VPS29: variants seen among roughly 807,000 people sequenced by gnomAD.
VPS29 encodes the protein vacuolar protein sorting-associated protein 29.
VPS29 carries 2 observed loss-of-function variants against 20.0 expected under a neutral mutation model. The observed-to-expected ratio is 0.10, with a 90% CI of 0.04 to 0.31. The LOEUF is 0.31. VPS29 is among the 10% of genes least tolerant of loss of function. VPS29 has a pLI of 1.00. For synonymous variants in VPS29, 81 were observed against 79.3 expected, an observed-to-expected ratio of 1.02 and a Z score of -0.12; for missense variants, 120 against 215.3, an observed-to-expected ratio of 0.56 and a Z score of 2.77.
intron 2 of VPS29, among the ~76,000 whole-genome samples, chr12:110,495,133 T>C (rs1168861543): frequency 6.6e-6 from 1 of 152,210 alleles, no homozygotes; most frequent in African/African-American, 2.4e-5. Flanking sequence ...TGCACACGGC[T>C]GTGTAAGCAC....
chr12:110,498,806 C>A, intron 1 of VPS29: 1 of 982,552 alleles, frequency 1.0e-6, no homozygotes, highest in Non-Finnish European at 1.2e-6. Context: ...CACTGGTAAT[C>A]AACATAAAAG....
At chr12:110,494,029 T>A (rs2062859661) in intron 2 of VPS29, among the ~76,000 whole-genome samples, 1 of 152,152 alleles carries the variant, frequency 6.6e-6, no homozygotes, top group Non-Finnish European at 1.5e-5. Flanking sequence ...GGTTCTATTA[T>A]GATCCCCACT....
At chr12:110,497,685 G>A (rs1429596851) in intron 1 of VPS29, among the ~76,000 whole-genome samples, 1 of 151,554 alleles carries the variant, frequency 6.6e-6, no homozygotes, top group Non-Finnish European at 1.5e-5. Flanking sequence ...GAGGTCAGGA[G>A]TTCGAGACCA....
rs773974480 is a variant in VPS29, at chr12:110,492,000, T to C, written c.*5A>G. Reference sequence around the variant, plus strand: ...AAACCAAAAATCATCAAGACAGGCCTGGCTTTAAGGTTTTTTGTATTCGAT... The same window carrying C: ...AAACCAAAAATCATCAAGACAGGCCCGGCTTTAAGGTTTTTTGTATTCGAT... On this transcript the variant is annotated 3_prime_UTR_variant, in exon 4 of 4. Transcript: ENST00000549578. 6 of 1,610,132 alleles carry C rather than the reference T, an allele frequency of 3.7e-6. No individual in the cohort carries two copies. In the African/African-American group the frequency reaches 6.7e-5, roughly 18 times the overall value.
Position 110,496,064 on chromosome 12 carries a change from T to C in VPS29, c.143A>G (p.Tyr48Cys), listed in dbSNP as rs11554379. 5 of 1,610,308 alleles carry C rather than the reference T, an allele frequency of 3.1e-6. No individual in the cohort carries two copies. The highest frequency in any genetic ancestry group is 2.2e-5 in the East Asian group (1 of 44,792). The change falls in exon 2 of 4, where the codon TAT (tyrosine) becomes TGT (cysteine). Residue 48 changes from tyrosine to cysteine, a missense_variant. Tyr to Cys is a radical substitution (Grantham distance 194). Coordinates refer to ENST00000549578, the MANE Select transcript of VPS29 (RefSeq NM_016226.5). ...AACATCACCAGCCAGAGTCTTGAGA[T>C]AGTCATAACTCTCTTTGGTGCAAAG... The part of the protein sequence containing the change: ...GNLCTKESYD[Y>C]LKTLAGDVHI...
In VPS29 at chr12:110,493,013, T is replaced by C. The variant is rs761621239; in HGVS notation, c.414A>G (p.Ala138=). Residue 138 remains alanine, a synonymous_variant, in exon 3 of 4, where the codon GCA becomes GCG. Transcript: ENST00000549578. ...FYINPGSATG[A]YNALETNIIP... ...CTACTCACGTTTCCAAGGCATTATA[T>C]GCCCCAGTGGCAGAACCTGGATTAA... is the stretch of plus-strand genomic sequence containing the variant. The C allele has an allele frequency of 6.2e-7, 1 of 1,612,948 alleles. No individual in the cohort carries two copies. The highest frequency in any genetic ancestry group is 8.5e-7 in the Non-Finnish European group (1 of 1,179,556).
chr12:110,492,551 C>G (rs1266136625), intron 3 of VPS29, among the ~76,000 whole-genome samples: 1 of 149,354 alleles, frequency 6.7e-6, no homozygotes, highest in Non-Finnish European at 1.5e-5. Flanking sequence ...GCCTAGGTGA[C>G]AGAGCAAGAC....
chr12:110,498,889 T>C lies in VPS29; in HGVS notation c.4-2686A>G, dbSNP rs147085432. The C allele has an allele frequency of 2.8e-4, 271 of 961,022 alleles. 2 individuals carry two copies. The African/African-American group carries it at 4.6e-3, about 16-fold the overall frequency. 59.5% of individuals were successfully genotyped at this position (961,022 alleles called of 1,614,324 possible). Reference sequence around the variant, plus strand: ...TATGGATTGAAGTACATAGTTAGTATGGGAATCTTGCTTTGAGAAAAAGGT... The same window carrying C: ...TATGGATTGAAGTACATAGTTAGTACGGGAATCTTGCTTTGAGAAAAAGGT... On this transcript the variant is annotated intron_variant, in intron 1 of 3. Coordinates refer to ENST00000549578, the MANE Select transcript of VPS29 (RefSeq NM_016226.5).
intron 1 of VPS29, chr12:110,499,586 GA>G (rs761242555): frequency 3.9e-4 from 530 of 1,347,146 alleles, no homozygotes; most frequent in Admixed American, 6.9e-4. Flanking sequence ...CAGGGGGGAT[GA>G]AAAAAAAAGG....
intron 1 of VPS29, chr12:110,501,829 C>T: frequency 1.6e-6 from 2 of 1,256,848 alleles, no homozygotes; most frequent in Non-Finnish European, 2.2e-6. Context: ...CCTCTGGCCC[C>T]TTGGGGCCGG....
chr12:110,501,469 G>T, intron 1 of VPS29: 1 of 1,535,414 alleles, frequency 6.5e-7, no homozygotes, highest in Non-Finnish European at 8.7e-7. Context: ...AATTGCAAGC[G>T]CCAAATCCCG....
chr12:110,500,628 C>T (rs2062997647), intron 1 of VPS29, among the ~76,000 whole-genome samples: 1 of 152,144 alleles, frequency 6.6e-6, no homozygotes, highest in African/African-American at 2.4e-5. Flanking sequence ...TGCATAGCTT[C>T]TTTGGTTTCC....
chr12:110,497,463 T>C (rs184629901), intron 1 of VPS29, among the ~76,000 whole-genome samples: 31,395 of 151,176 alleles, frequency 0.21, 4,522 homozygotes, highest in African/African-American at 0.42. Flanking sequence ...GTGATCCACC[T>C]GCCTCCGCCT....
In VPS29 at chr12:110,491,770, T is replaced by C. The variant is rs1037151118; in HGVS notation, c.*235A>G. ...ACAAGGATAAATTTTTCTTAACAAG[T>C]GACCAATTACTGTGTTGTGGACATT... On this transcript the variant is annotated 3_prime_UTR_variant, in exon 4 of 4. Coordinates refer to ENST00000549578, the MANE Select transcript of VPS29 (RefSeq NM_016226.5). The C allele has an allele frequency of 2.6e-5, 10 of 387,790 alleles. No homozygotes were observed. The highest frequency in any genetic ancestry group is 4.4e-5 in the Admixed American group (1 of 22,782). The allele number at this position is 387,790 out of a possible 1,614,324, so 24.0% of individuals were successfully genotyped here. A position where few individuals can be genotyped will look rare whatever the true frequency, so the allele number is the denominator to read the frequency against.
chr12:110,500,992 C>T (rs2063016922), intron 1 of VPS29, among the ~76,000 whole-genome samples: 2 of 152,006 alleles, frequency 1.3e-5, no homozygotes, highest in Non-Finnish European at 2.9e-5. Flanking sequence ...CCAGCCTGAC[C>T]AACATGGTGA....
In VPS29 at chr12:110,499,658, C is replaced by CA. The variant is rs1467330272; in HGVS notation, c.3+2390dup. On this transcript the variant is annotated intron_variant, in intron 1 of 3. Transcript: ENST00000549578. ...AAGAAACCAAAAAAAAAAAAGAGAA[C>CA]AAAAAACCCATACCAAATGAGCAAA... 31 of 734,966 alleles carry CA rather than the reference C, an allele frequency of 4.2e-5. No individual in the cohort carries two copies. The Middle Eastern group carries it at 1.2e-3, about 29-fold the overall frequency. 45.5% of individuals were successfully genotyped at this position (734,966 alleles called of 1,614,324 possible).
chr12:110,501,525 T>C, intron 1 of VPS29: 1 of 1,535,452 alleles, frequency 6.5e-7, no homozygotes, highest in Non-Finnish European at 8.7e-7. Context: ...CTAGATGTTA[T>C]TTCAGGAGCG....
chr12:110,495,959 A>G, intron 2 of VPS29, 53 bp downstream of exon 2: 1 of 1,430,380 alleles, frequency 7.0e-7, no homozygotes. Context: ...AAGCTTATGT[A>G]AGTAATAATC....
intron 2 of VPS29, among the ~76,000 whole-genome samples, chr12:110,493,959 C>T (rs2062858426): frequency 6.6e-6 from 1 of 152,002 alleles, no homozygotes; most frequent in South Asian, 2.1e-4. Context: ...TTAGTATGAG[C>T]CAGGCACTAC....
Sources: allele counts gnomAD v4.1 joint callset (sites outside exome capture counted in the v4.1 genomes callset), GRCh38; gene constraint gnomAD v4.1.1; transcripts MANE v1.5; gene names NCBI Gene and HGNC (gene_info 2026-07-23, HGNC 2026-07-21).